Variants in UNC13C observed in about 807,000 individuals in gnomAD.
UNC13C encodes the protein unc-13 homolog C.
Under a neutral mutation model 245.4 loss-of-function variants are expected in UNC13C, and 174 were observed. That is an observed-to-expected ratio of 0.71 (90% CI 0.63 to 0.80). The LOEUF (loss-of-function observed/expected upper bound fraction) is 0.80. Among genes scored for constraint, UNC13C ranks in the 30% least tolerant of loss-of-function variants. UNC13C has a pLI of 0.00. For synonymous variants in UNC13C, 992 were observed against 895.1 expected (o/e 1.11, Z -1.93); for missense variants, 2,829 against 2,602.9 (o/e 1.09, Z -1.89).
chr15:53,945,411 A>AT, the UNC13C span, among the ~76,000 whole-genome samples: 1 of 152,216 alleles, frequency 6.6e-6, no homozygotes, highest in African/African-American at 2.4e-5. Context: ...TTTTGAGTTG[A>AT]TTTTTATATA....
chr15:53,947,457 C>G, the UNC13C span, among the ~76,000 whole-genome samples: 12 of 152,158 alleles, frequency 7.9e-5, no homozygotes, highest in Non-Finnish European at 1.2e-4. Context: ...TACTCAATCC[C>G]CATCTCCAAG....
At chr15:54,235,531 A>G (rs941857368) in intron 5 of UNC13C, among the ~76,000 whole-genome samples, 1 of 152,156 alleles carries the variant, frequency 6.6e-6, no homozygotes, top group African/African-American at 2.4e-5. Context: ...ACATTAATCA[A>G]CTCTTCATTT....
At chr15:54,609,059 C>A (rs1257140004) in intron 30 of UNC13C, among the ~76,000 whole-genome samples, 2 of 152,152 alleles carry the variant, frequency 1.3e-5, no homozygotes, top group Admixed American at 1.3e-4. Flanking sequence ...GAGTTCTCAG[C>A]CAAATGTTCT....
chr15:53,908,313 CTGT>C, the UNC13C span, among the ~76,000 whole-genome samples: 1 of 146,400 alleles, frequency 6.8e-6, no homozygotes, highest in African/African-American at 2.4e-5. Context: ...TTAGGGAATA[CTGT>C]AAAGTTTCTA....
At chr15:53,998,408 T>C (rs1894732610) in intron 1 of UNC13C, among the ~76,000 whole-genome samples, 2 of 152,172 alleles carry the variant, frequency 1.3e-5, no homozygotes, top group South Asian at 4.1e-4. Flanking sequence ...TGATTTTTTA[T>C]CTTATTTTTC....
At chr15:54,177,887 G>A (rs574856887) in intron 4 of UNC13C, among the ~76,000 whole-genome samples, 2 of 152,124 alleles carry the variant, frequency 1.3e-5, no homozygotes, top group South Asian at 4.1e-4. Context: ...TATGTAGGCA[G>A]TATTATTAAA....
At chr15:54,177,297 A>G (rs1330699451) in intron 4 of UNC13C, among the ~76,000 whole-genome samples, 1 of 152,172 alleles carries the variant, frequency 6.6e-6, no homozygotes, top group Non-Finnish European at 1.5e-5. Flanking sequence ...ATAGACTGAG[A>G]TAATGACTGC....
chr15:54,335,200 A>T lies in UNC13C; in HGVS notation c.4584+1344A>T, dbSNP rs190723690. On this transcript the variant is annotated intron_variant, in intron 16 of 32. Coordinates refer to ENST00000260323, the MANE Select transcript of UNC13C (RefSeq NM_001080534.3). ...AAATATTGTTCCAGCAATCCTCTCCACTCTCCTGAATTGCCAACTTTCCCC... is the reference window on the plus strand; with the variant it reads ...AAATATTGTTCCAGCAATCCTCTCCTCTCTCCTGAATTGCCAACTTTCCCC... Among the ~76,000 whole-genome samples, 177 of 151,672 alleles carry T rather than the reference A, an allele frequency of 1.2e-3. 1 individual carries two copies. The highest frequency in any genetic ancestry group is 2.1e-3 in the Admixed American group (32 of 15,192).
At chr15:54,186,855 A>ATATATATATATTTTTT (rs549150061) in intron 4 of UNC13C, among the ~76,000 whole-genome samples, 8 of 146,912 alleles carry the variant, frequency 5.4e-5, no homozygotes, top group African/African-American at 2.0e-4. Flanking sequence ...GTATATATAT[A>ATATATATATATTTTTT]TTTTGTTTTT....
In UNC13C at chr15:54,059,343, A is replaced by G. The variant is rs972587638; in HGVS notation, c.2983+43457A>G. Among the ~76,000 whole-genome samples the G allele has an allele frequency of 6.6e-5, 10 of 152,308 alleles. No individual in the cohort carries two copies. In the East Asian group the frequency reaches 1.5e-3, roughly 24 times the overall value. Reference sequence around the variant, plus strand: ...TAACAGACAAACAGAGAGCCAAATCATGAGTGAACTCCCATTCACAATTGC... The same window carrying G: ...TAACAGACAAACAGAGAGCCAAATCGTGAGTGAACTCCCATTCACAATTGC... On this transcript the variant is annotated intron_variant, in intron 2 of 32. Transcript: ENST00000260323.
intron 18 of UNC13C, among the ~76,000 whole-genome samples, chr15:54,399,997 T>A (rs1222205959): frequency 6.6e-6 from 1 of 152,006 alleles, no homozygotes; most frequent in African/African-American, 2.4e-5. Context: ...GTCCTGTATA[T>A]CCATTATTCA....
At chr15:54,173,241 A>T (rs796238601) in intron 4 of UNC13C, among the ~76,000 whole-genome samples, 1 of 152,042 alleles carries the variant, frequency 6.6e-6, no homozygotes, top group African/African-American at 2.4e-5. Context: ...AATTTTTACA[A>T]GGTCTACTAA....
chr15:54,003,180 A>G (rs1894974923), intron 1 of UNC13C, among the ~76,000 whole-genome samples: 1 of 152,170 alleles, frequency 6.6e-6, no homozygotes, highest in African/African-American at 2.4e-5. Flanking sequence ...TTGAGTTTCA[A>G]CATCTTATTT....
At chr15:54,217,725 T>G (rs2035084510) in intron 4 of UNC13C, among the ~76,000 whole-genome samples, 1 of 151,904 alleles carries the variant, frequency 6.6e-6, no homozygotes, top group African/African-American at 2.4e-5. Flanking sequence ...TTTTCCGCAG[T>G]AGATAGATTC....
the UNC13C span, among the ~76,000 whole-genome samples, chr15:53,905,513 C>G: frequency 6.7e-6 from 1 of 149,890 alleles, no homozygotes; most frequent in Non-Finnish European, 1.5e-5. Context: ...ATGAGATAAG[C>G]CAGGCAAAGA....
chr15:54,617,613 G>T (rs1362720873), intron 30 of UNC13C, among the ~76,000 whole-genome samples: 1 of 152,008 alleles, frequency 6.6e-6, no homozygotes, highest in African/African-American at 2.4e-5. Flanking sequence ...AGCCATTATT[G>T]TTATCACTGC....
rs1312529524 is a variant in UNC13C, at chr15:54,585,506, A to G, written c.6106+17559A>G. 2.0e-5 allele frequency among the ~76,000 whole-genome samples: 3 copies of G among 152,338 alleles called. No homozygotes were observed. The East Asian group carries it at 5.8e-4, about 29-fold the overall frequency. ...CTTTATAAATTACCCAGCCTCAGGTATTCGTTTATAGCAATCCAAAATGGA... is the reference window on the plus strand; with the variant it reads ...CTTTATAAATTACCCAGCCTCAGGTGTTCGTTTATAGCAATCCAAAATGGA... On this transcript the variant is annotated intron_variant, in intron 30 of 32. Coordinates refer to ENST00000260323, the MANE Select transcript of UNC13C (RefSeq NM_001080534.3).
chr15:53,913,485 G>A, the UNC13C span: 1 of 152,238 alleles, frequency 6.6e-6, no homozygotes, highest in African/African-American at 2.4e-5. Flanking sequence ...GACAGGGAAA[G>A]CAGTTAGTAA....
chr15:53,882,722 A>G, the UNC13C span, among the ~76,000 whole-genome samples: 4 of 152,172 alleles, frequency 2.6e-5, no homozygotes, highest in Non-Finnish European at 5.9e-5. Flanking sequence ...AAACCAGTGT[A>G]TTCTTGGGTT....
Sources: allele counts gnomAD v4.1 joint callset (sites outside exome capture counted in the v4.1 genomes callset), GRCh38; gene constraint gnomAD v4.1.1; transcripts MANE v1.5; gene names NCBI Gene and HGNC (gene_info 2026-07-23, HGNC 2026-07-21).